Variants in APLF observed in about 807,000 individuals in gnomAD.
APLF encodes aprataxin and PNKP like factor.
Under a neutral mutation model 55.6 loss-of-function variants are expected in APLF, and 61 were observed. The observed-to-expected ratio is 1.10, with a 90% confidence interval of 0.89 to 1.36. The LOEUF (loss-of-function observed/expected upper bound fraction) is 1.36, where lower values mean the gene tolerates loss of function less well. Among genes scored for constraint, APLF ranks in the 40% most tolerant of loss-of-function variants. APLF has a pLI of 0.00. For synonymous variants in APLF, 207 were observed against 214.8 expected, an observed-to-expected ratio of 0.96 and a Z score of 0.32; for missense variants, 611 against 602.5, an observed-to-expected ratio of 1.01 and a Z score of -0.15.
At chr2:68,486,419 T>A (rs540145125) in intron 1 of APLF, among the ~76,000 whole-genome samples, 120 of 152,308 alleles carry the variant, frequency 7.9e-4, no homozygotes, top group Admixed American at 2.2e-3. Flanking sequence ...TAGCTTGGCC[T>A]CTGCAATGTT....
At chr2:68,551,323 A>G (rs1670853538) in intron 8 of APLF, among the ~76,000 whole-genome samples, 1 of 151,690 alleles carries the variant, frequency 6.6e-6, no homozygotes, top group Non-Finnish European at 1.5e-5. Context: ...GCCTAGGTAT[A>G]TTTTTCTTTG....
intron 6 of APLF, among the ~76,000 whole-genome samples, chr2:68,533,740 A>G (rs1272055094): frequency 6.6e-6 from 1 of 152,068 alleles, no homozygotes; most frequent in African/African-American, 2.4e-5. Context: ...GAGCATCTTC[A>G]CCTGACATCT....
intron 1 of APLF, among the ~76,000 whole-genome samples, chr2:68,485,700 T>C (rs1676142582): frequency 6.6e-6 from 1 of 152,152 alleles, no homozygotes; most frequent in Non-Finnish European, 1.5e-5. Context: ...GCTGGCATTC[T>C]TTTATAAAGA....
At chr2:68,564,873 G>A (rs2104062724) in intron 8 of APLF, among the ~76,000 whole-genome samples, 1 of 152,214 alleles carries the variant, frequency 6.6e-6, no homozygotes, top group East Asian at 1.9e-4. Flanking sequence ...TCTTGGCTGA[G>A]GAGAGAGGAT....
chr2:68,567,530 A>G, intron 9 of APLF, 143 bp downstream of exon 9: 1 of 678,674 alleles, frequency 1.5e-6, no homozygotes. Context: ...GATTTTTCTT[A>G]TATTAAAAAA....
intron 8 of APLF, among the ~76,000 whole-genome samples, chr2:68,554,350 CTG>C (rs1670948026): frequency 6.6e-6 from 1 of 152,030 alleles, no homozygotes; most frequent in Non-Finnish European, 1.5e-5. Flanking sequence ...TTAACATTTT[CTG>C]TGACTTGTTA....
At chr2:68,539,171 A>G (rs1471915637) in intron 7 of APLF, among the ~76,000 whole-genome samples, 2 of 152,222 alleles carry the variant, frequency 1.3e-5, no homozygotes, top group African/African-American at 4.8e-5. Context: ...TATATATGCA[A>G]TGGCTTTAGT....
rs780450445 is a variant in APLF at position 68,517,561 on chromosome 2, CAT to C, written c.622+3885_622+3886del. Among the ~76,000 whole-genome samples, 148 of 141,780 alleles carry C rather than the reference CAT, an allele frequency of 1.0e-3. 1 individual carries two copies. In the East Asian group the frequency reaches 0.012, roughly 12 times the overall value. 93.0% of individuals were successfully genotyped at this position (141,780 alleles called of 152,430 possible). Reference sequence around the variant, plus strand: ...AACATATGTCAATATATGTTAATAACATATAACAATATATCACTAATATATGT... The same window carrying C: ...AACATATGTCAATATATGTTAATAACATAACAATATATCACTAATATATGT... On this transcript the variant is annotated intron_variant, in intron 5 of 9. Coordinates refer to ENST00000303795, the MANE Select transcript of APLF (RefSeq NM_173545.3).
At chr2:68,488,695 A>G (rs1676264263) in intron 1 of APLF, among the ~76,000 whole-genome samples, 1 of 152,050 alleles carries the variant, frequency 6.6e-6, no homozygotes, top group Non-Finnish European at 1.5e-5. Flanking sequence ...TGACCTACCC[A>G]AGTTACCTAA....
chr2:68,478,751 TAGTA>T (rs1675861503), intron 1 of APLF, among the ~76,000 whole-genome samples: 1 of 152,080 alleles, frequency 6.6e-6, no homozygotes, highest in East Asian at 1.9e-4. Context: ...GGACAGTTAT[TAGTA>T]AGGAAGAGAA....
intron 5 of APLF, among the ~76,000 whole-genome samples, chr2:68,517,784 A>C: frequency 6.9e-6 from 1 of 145,112 alleles, no homozygotes; most frequent in Non-Finnish European, 1.5e-5. Context: ...TATATCACTA[A>C]TATAATGTTA....
chr2:68,513,984 C>T (rs545322915), intron 5 of APLF, among the ~76,000 whole-genome samples: 1 of 151,860 alleles, frequency 6.6e-6, no homozygotes, highest in South Asian at 2.1e-4. Context: ...AAAAGGCCAG[C>T]ACAATAAGAG....
chr2:68,526,053 T>A lies in APLF; in HGVS notation c.623-8T>A. The stretch of plus-strand genomic sequence containing the variant: ...GATAATTTTCTTCTTTTTCTTTATG[T>A]GTTTAAGGTAATGTAATCCAGGGAA... On this transcript the variant is annotated splice_region_variant and splice_polypyrimidine_tract_variant and intron_variant, in intron 5 of 9. Transcript: ENST00000303795. 1 of 1,585,532 alleles carries A rather than the reference T, an allele frequency of 6.3e-7. No individual in the cohort carries two copies.
chr2:68,515,512 G>T, intron 5 of APLF: 1 of 879,416 alleles, frequency 1.1e-6, no homozygotes, highest in Non-Finnish European at 1.4e-6. Context: ...TACTGCAACT[G>T]CTTCTGTGCT....
chr2:68,529,048 C>G lies in APLF; in HGVS notation c.804+2806C>G. ...TCGGGAGCCTGGCTGGGATCACCTGCTCATCTAATGAAGGAAGTTGAAGGT... is the reference window on the plus strand; with the variant it reads ...TCGGGAGCCTGGCTGGGATCACCTGGTCATCTAATGAAGGAAGTTGAAGGT... On this transcript the variant is annotated intron_variant, in intron 6 of 9. Coordinates refer to ENST00000303795, the MANE Select transcript of APLF (RefSeq NM_173545.3). The surrounding 1 kb of genome is among the most constrained non-coding windows in gnomAD (Gnocchi z 4.4). The G allele has an allele frequency of 6.8e-7, 1 of 1,474,268 alleles. No individual in the cohort carries two copies. The allele number at this position is 1,474,268 out of a possible 1,614,324, so 91.3% of individuals were successfully genotyped here.
chr2:68,515,132 A>T (rs1669542233), intron 5 of APLF, among the ~76,000 whole-genome samples: 2 of 151,852 alleles, frequency 1.3e-5, no homozygotes, highest in Non-Finnish European at 1.5e-5. Context: ...TTATACTAGG[A>T]TCAAAGTGTT....
chr2:68,563,258 A>AC, intron 8 of APLF: 4 of 985,244 alleles, frequency 4.1e-6, no homozygotes, highest in Non-Finnish European at 4.8e-6. Context: ...GAAAACCTGT[A>AC]CATGTACCTA....
chr2:68,495,265 T>G (rs532837868), intron 2 of APLF, among the ~76,000 whole-genome samples: 14 of 152,342 alleles, frequency 9.2e-5, no homozygotes, highest in African/African-American at 3.1e-4. Flanking sequence ...GGCAAGTCTC[T>G]TCTATTTATG....
At chr2:68,495,241 C>T (rs375907351) in intron 2 of APLF, among the ~76,000 whole-genome samples, 7 of 152,318 alleles carry the variant, frequency 4.6e-5, no homozygotes, top group Middle Eastern at 6.8e-3. Flanking sequence ...AGTCCAAAGT[C>T]TCACCTGAGA....
Sources: gnomAD v4.1 joint callset for allele counts (sites outside exome capture counted in the v4.1 genomes callset) on GRCh38, gnomAD v4.1.1 for gene constraint, Gnocchi (gnomAD v3.1) non-coding constraint, MANE v1.5 for transcripts, NCBI Gene and HGNC (gene_info 2026-07-23, HGNC 2026-07-21) for gene names.